The following GRIP1 variants were observed in gnomAD, a reference collection of about 807,000 sequenced individuals.
The protein encoded by GRIP1 is glutamate receptor-interacting protein 1.
In GRIP1, 45 loss-of-function variants were observed where a neutral mutation model predicts 129.9. The ratio of observed to expected loss-of-function variants is 0.35; its 90% CI spans 0.27 to 0.44. The LOEUF (loss-of-function observed/expected upper bound fraction) is 0.44. GRIP1 is among the 20% of genes least tolerant of loss of function. The pLI is 1.00. For missense variants in GRIP1, 1,196 were observed against 1,396.8 expected (o/e 0.86, Z 2.29); for synonymous variants, 530 against 520.8 (o/e 1.02, Z -0.24).
At chr12:66,476,752 T>C (rs559168270) in intron 7 of GRIP1, among the ~76,000 whole-genome samples, 1 of 152,252 alleles carries the variant, frequency 6.6e-6, no homozygotes, top group African/African-American at 2.4e-5. Flanking sequence ...TAATCCAGCA[T>C]ATAAACAGAA....
At chr12:66,578,821 TC>T (rs1316201130) in intron 2 of GRIP1, among the ~76,000 whole-genome samples, 1 of 152,188 alleles carries the variant, frequency 6.6e-6, no homozygotes, top group Non-Finnish European at 1.5e-5. Context: ...GCTCCACCTC[TC>T]GGGGCAGGGC....
intron 1 of GRIP1, among the ~76,000 whole-genome samples, chr12:66,636,169 C>G (rs2031344829): frequency 6.6e-6 from 1 of 152,122 alleles, no homozygotes; most frequent in Admixed American, 6.5e-5. Flanking sequence ...GGGGCAAATA[C>G]TGTATGGTTC....
At chr12:66,503,957 G>C (rs763341055) in intron 7 of GRIP1, among the ~76,000 whole-genome samples, 13 of 152,162 alleles carry the variant, frequency 8.5e-5, no homozygotes, top group Non-Finnish European at 1.9e-4. Flanking sequence ...CTGTCTTGGA[G>C]CTAGGCTGGC....
chr12:66,642,075 C>T (rs536213314), intron 1 of GRIP1, among the ~76,000 whole-genome samples: 2 of 152,052 alleles, frequency 1.3e-5, no homozygotes, highest in Admixed American at 6.6e-5. Context: ...TTATCAGTCT[C>T]GTGGGGGAGA....
At chr12:66,562,078 A>T (rs1248885640) in intron 2 of GRIP1, among the ~76,000 whole-genome samples, 2 of 152,204 alleles carry the variant, frequency 1.3e-5, no homozygotes, top group Non-Finnish European at 2.9e-5. Flanking sequence ...ACAGCACTCC[A>T]GCCTGGGTCA....
intron 14 of GRIP1, among the ~76,000 whole-genome samples, chr12:66,431,961 G>A (rs2058160153): frequency 6.6e-6 from 1 of 152,142 alleles, no homozygotes; most frequent in Non-Finnish European, 1.5e-5. Flanking sequence ...TTTACTTAAA[G>A]TAAGAGACAT....
Position 66,522,899 on chromosome 12 carries a change from C to T in GRIP1, c.503-4923G>A, listed in dbSNP as rs1043799614. 1.4e-4 allele frequency among the ~76,000 whole-genome samples: 22 copies of T among 151,794 alleles called. 1 individual carries two copies. Among genetic ancestry groups the T allele is most frequent in the Middle Eastern group, 3.2e-3 (1 of 316 alleles). Reference sequence around the variant, plus strand: ...TGAAGAATGCAGAAGCCTCAGGAGCCGATGCGCTCAACTGGAAGAAAGAGT... The same window carrying T: ...TGAAGAATGCAGAAGCCTCAGGAGCTGATGCGCTCAACTGGAAGAAAGAGT... On this transcript the variant is annotated intron_variant, in intron 5 of 24. Coordinates refer to ENST00000359742, the MANE Select transcript of GRIP1 (RefSeq NM_001366722.1).
At chr12:66,979,250 A>AAAAAC (rs1214170567) in intron 1 of GRIP1, among the ~76,000 whole-genome samples, 1 of 148,054 alleles carries the variant, frequency 6.8e-6, no homozygotes, top group African/African-American at 2.5e-5. Flanking sequence ...AAAAAAAAAA[A>AAAAAC]AAAACAAGCC....
At chr12:66,520,494 G>C (rs1038093072) in intron 5 of GRIP1, among the ~76,000 whole-genome samples, 2 of 152,174 alleles carry the variant, frequency 1.3e-5, no homozygotes, top group Admixed American at 6.5e-5. Context: ...TGTAACTTAA[G>C]TTTTTTAAAA....
At chr12:66,891,411 A>G (rs11176475) in intron 1 of GRIP1, among the ~76,000 whole-genome samples, 12,732 of 152,260 alleles carry the variant, frequency 0.084, 665 homozygotes, top group Admixed American at 0.17. Flanking sequence ...ATACTTTCAG[A>G]AGGATGGGAC....
intron 11 of GRIP1, among the ~76,000 whole-genome samples, chr12:66,453,055 C>G (rs2058853983): frequency 6.6e-6 from 1 of 152,088 alleles, no homozygotes; most frequent in Non-Finnish European, 1.5e-5. Context: ...CAAACACAAA[C>G]AACTAGAAAT....
intron 1 of GRIP1, among the ~76,000 whole-genome samples, chr12:66,799,258 T>G (rs1403160626): frequency 6.6e-6 from 1 of 151,572 alleles, no homozygotes; most frequent in Admixed American, 6.6e-5. Context: ...GCCAATCAAT[T>G]TTCAACAAGA....
intron 1 of GRIP1, among the ~76,000 whole-genome samples, chr12:67,040,351 T>C (rs1420179811): frequency 6.6e-6 from 1 of 152,176 alleles, no homozygotes; most frequent in Non-Finnish European, 1.5e-5. Flanking sequence ...GGTGCATATG[T>C]TTTAAGTTCT....
At chr12:66,425,831 G>A (rs1219361658) in intron 14 of GRIP1, among the ~76,000 whole-genome samples, 3 of 151,956 alleles carry the variant, frequency 2.0e-5, no homozygotes, top group Non-Finnish European at 2.9e-5. Context: ...GTGGGGTGGG[G>A]GAAGGGGGGA....
At chr12:66,351,315 A>C (rs996524361) in intron 24 of GRIP1, among the ~76,000 whole-genome samples, 1 of 152,228 alleles carries the variant, frequency 6.6e-6, no homozygotes, top group African/African-American at 2.4e-5. Context: ...ATTTTCCTGC[A>C]AAATGCTCTT....
intron 19 of GRIP1, among the ~76,000 whole-genome samples, chr12:66,389,953 T>C (rs2056518637): frequency 1.3e-5 from 2 of 152,314 alleles, no homozygotes; most frequent in African/African-American, 4.8e-5. Context: ...AGAGACCCAA[T>C]AGCTGTCTTC....
intron 1 of GRIP1, among the ~76,000 whole-genome samples, chr12:67,029,874 T>G (rs1421748983): frequency 6.6e-6 from 1 of 151,810 alleles, no homozygotes; most frequent in Non-Finnish European, 1.5e-5. Context: ...TGCTTAGATG[T>G]TTTTATCTAC....
At chr12:67,031,556 T>C (rs892167708) in intron 1 of GRIP1, among the ~76,000 whole-genome samples, 47 of 152,130 alleles carry the variant, frequency 3.1e-4, no homozygotes, top group Non-Finnish European at 3.8e-4. Context: ...CTCAGGGGCT[T>C]TCTCCACCTC....
At chr12:66,788,239 CT>C (rs74709492) in intron 1 of GRIP1, among the ~76,000 whole-genome samples, 5,359 of 143,532 alleles carry the variant, frequency 0.037, 102 homozygotes, top group African/African-American at 0.059. Flanking sequence ...AAATAAAATA[CT>C]TTTTTTTTTT....
Sources: gnomAD v4.1 joint callset for allele counts (sites outside exome capture counted in the v4.1 genomes callset) on GRCh38, gnomAD v4.1.1 for gene constraint, MANE v1.5 for transcripts, NCBI Gene and HGNC (gene_info 2026-07-23, HGNC 2026-07-21) for gene names.